Variants in PKHD1 observed in about 807,000 individuals in gnomAD.
PKHD1 encodes fibrocystin.
In PKHD1, 291 loss-of-function variants were observed where a neutral mutation model predicts 412.0. The observed-to-expected ratio is 0.71, with a 90% CI of 0.64 to 0.78. The LOEUF is 0.78. Ranked by LOEUF, PKHD1 falls within the 30% of genes least tolerant of loss-of-function variation. PKHD1 has a pLI of 0.00. For synonymous variants in PKHD1, 1,777 were observed against 1,821.5 expected, an observed-to-expected ratio of 0.98 and a Z score of 0.62; for missense variants, 4,825 against 4,950.7, an observed-to-expected ratio of 0.97 and a Z score of 0.76.
At chr6:51,925,461 G>GTGTGTA (rs1554140310) in intron 37 of PKHD1, among the ~76,000 whole-genome samples, 1 of 105,376 alleles carries the variant, frequency 9.5e-6, no homozygotes, top group African/African-American at 3.1e-5. Context: ...GTGTATGTGT[G>GTGTGTA]TGTGTGTGTG....
intron 63 of PKHD1, among the ~76,000 whole-genome samples, chr6:51,646,295 C>T (rs1383799899): frequency 6.6e-6 from 1 of 152,112 alleles, no homozygotes; most frequent in Non-Finnish European, 1.5e-5. Context: ...TTTCAAGGTG[C>T]TGTGATAATT....
At chr6:51,766,881 A>G (rs1206618708) in intron 55 of PKHD1, among the ~76,000 whole-genome samples, 1 of 151,998 alleles carries the variant, frequency 6.6e-6, no homozygotes, top group Non-Finnish European at 1.5e-5. Flanking sequence ...TGTCAAATCT[A>G]TTATTTACTG....
intron 63 of PKHD1, among the ~76,000 whole-genome samples, chr6:51,640,710 C>A (rs1769234277): frequency 6.6e-6 from 1 of 152,036 alleles, no homozygotes; most frequent in South Asian, 2.1e-4. Flanking sequence ...CACAGCTATC[C>A]CACTCACTCC....
chr6:51,785,072 A>G (rs1582675415), intron 53 of PKHD1, among the ~76,000 whole-genome samples: 1 of 152,172 alleles, frequency 6.6e-6, no homozygotes, highest in East Asian at 1.9e-4. Flanking sequence ...ATTGTTCACT[A>G]CTGAATGTCT....
chr6:51,686,785 C>T (rs1400330554), intron 60 of PKHD1, among the ~76,000 whole-genome samples: 3 of 152,200 alleles, frequency 2.0e-5, no homozygotes, highest in Non-Finnish European at 4.4e-5. Context: ...TTAATGCATC[C>T]ATTCGTTTTC....
chr6:51,944,497 T>A (rs1268924332), intron 36 of PKHD1, among the ~76,000 whole-genome samples: 6 of 152,162 alleles, frequency 3.9e-5, no homozygotes, highest in Admixed American at 3.3e-4. Flanking sequence ...CTGACTTCAC[T>A]CAGATTCATG....
At chr6:51,968,095 A>G (rs915621956) in intron 35 of PKHD1, among the ~76,000 whole-genome samples, 1 of 152,146 alleles carries the variant, frequency 6.6e-6, no homozygotes, top group African/African-American at 2.4e-5. Context: ...GGAAAAAGGA[A>G]GAAGCCCAGA....
chr6:51,792,464 C>T (rs1793909100), intron 52 of PKHD1, among the ~76,000 whole-genome samples: 1 of 152,156 alleles, frequency 6.6e-6, no homozygotes, highest in East Asian at 1.9e-4. Context: ...TTTCCTAGCC[C>T]CTCCCTGCTT....
intron 43 of PKHD1, among the ~76,000 whole-genome samples, chr6:51,898,742 G>A (rs930051205): frequency 8.2e-5 from 11 of 134,554 alleles, no homozygotes; most frequent in African/African-American, 3.2e-4. Flanking sequence ...TTTTTGAAAG[G>A]ATCAACAAAA....
At chr6:51,890,031 A>G (rs1051507492) in intron 43 of PKHD1, among the ~76,000 whole-genome samples, 3 of 152,088 alleles carry the variant, frequency 2.0e-5, no homozygotes, top group Non-Finnish European at 4.4e-5. Flanking sequence ...TTTTTAAGTA[A>G]TGATGAGTAG....
At chr6:52,086,606 A>T (rs976366174) in intron 1 of PKHD1, among the ~76,000 whole-genome samples, 3 of 152,244 alleles carry the variant, frequency 2.0e-5, no homozygotes, top group Admixed American at 6.5e-5. Flanking sequence ...TCAACACTGC[A>T]AACATTTATT....
chr6:51,940,027 T>A (rs1788225527), intron 36 of PKHD1, among the ~76,000 whole-genome samples: 1 of 151,620 alleles, frequency 6.6e-6, no homozygotes. Flanking sequence ...CTCCTTTTTC[T>A]TTATCTGACC....
chr6:52,060,022 A>T lies in PKHD1; in HGVS notation c.1139T>A (p.Phe380Tyr). The change falls in exon 15 of 67, where the codon TTT becomes TAT. Residue 380 changes from phenylalanine to tyrosine, a missense_variant. Phe to Tyr is a conservative substitution (Grantham distance 22, BLOSUM62 3). Transcript: ENST00000371117. The stretch of plus-strand genomic sequence containing the variant: ...GTAATTATTTGTCTCTGGAGCCACA[A>T]AGAACCCACTGAGCCGTGCTCTGTA... ...QPFRARLSGF[F>Y]VAPETNNYTF... is the part of the protein sequence containing the mutation. The T allele has an allele frequency of 6.2e-7, 1 of 1,607,164 alleles. No homozygotes were observed. Among genetic ancestry groups the T allele is most frequent in the African/African-American group, 1.3e-5 (1 of 74,954 alleles).
At chr6:51,796,957 G>T (rs372762037) in intron 52 of PKHD1, among the ~76,000 whole-genome samples, 1 of 152,086 alleles carries the variant, frequency 6.6e-6, no homozygotes, top group South Asian at 2.1e-4. Flanking sequence ...GGGATTACAG[G>T]TGTCTTCCAC....
At chr6:51,917,189 T>TGG (rs1213727792) in intron 37 of PKHD1, among the ~76,000 whole-genome samples, 8 of 39,172 alleles carry the variant, frequency 2.0e-4, no homozygotes, top group African/African-American at 2.8e-4. Context: ...GAGGGAGAGG[T>TGG]GGGGGGGAGA....
intron 39 of PKHD1, among the ~76,000 whole-genome samples, chr6:51,910,611 A>AT (rs1198161939): frequency 6.6e-6 from 1 of 152,238 alleles, no homozygotes; most frequent in East Asian, 1.9e-4. Flanking sequence ...GGGCTAACAG[A>AT]TTTATAATGG....
At chr6:51,970,455 C>G (rs1793496371) in intron 35 of PKHD1, among the ~76,000 whole-genome samples, 2 of 152,230 alleles carry the variant, frequency 1.3e-5, no homozygotes, top group South Asian at 4.1e-4. Flanking sequence ...TTTAGTTTTA[C>G]TAGGTCCCAC....
At chr6:51,738,319 G>A (rs1025724371) in intron 60 of PKHD1, among the ~76,000 whole-genome samples, 1 of 152,196 alleles carries the variant, frequency 6.6e-6, no homozygotes, top group African/African-American at 2.4e-5. Flanking sequence ...TAAAACTGTG[G>A]TTAACAGAGA....
chr6:51,788,836 C>T (rs965776752), intron 53 of PKHD1, among the ~76,000 whole-genome samples: 1 of 152,176 alleles, frequency 6.6e-6, no homozygotes, highest in Non-Finnish European at 1.5e-5. Context: ...ACACCTACTA[C>T]ATACCAAGCA....
Sources: gnomAD v4.1 joint callset for allele counts (sites outside exome capture counted in the v4.1 genomes callset) on GRCh38, gnomAD v4.1.1 for gene constraint, MANE v1.5 for transcripts, NCBI Gene and HGNC (gene_info 2026-07-23, HGNC 2026-07-21) for gene names.